Variants in TAMM41 observed in about 807,000 individuals in gnomAD.
TAMM41 encodes the protein TAM41 mitochondrial translocator assembly and maintenance homolog.
Under a neutral mutation model 44.1 loss-of-function variants are expected in TAMM41, and 36 were observed. The ratio of observed to expected loss-of-function variants is 0.82; its 90% CI spans 0.63 to 1.08. The LOEUF is 1.08. Among genes scored for constraint, TAMM41 ranks in the 50% least tolerant of loss-of-function variants. TAMM41 has a pLI of 0.00. For missense variants in TAMM41, 417 were observed against 404.3 expected (o/e 1.03, Z -0.27); for synonymous variants, 164 against 153.1 (o/e 1.07, Z -0.53).
At chr3:11,802,752 GA>G (rs1232428591) in intron 7 of TAMM41, among the ~76,000 whole-genome samples, 1 of 152,118 alleles carries the variant, frequency 6.6e-6, no homozygotes, top group Non-Finnish European at 1.5e-5. Context: ...CACCAAAAAA[GA>G]AAATTATAGA....
At chr3:11,798,713 G>A (rs928976155) in intron 7 of TAMM41, among the ~76,000 whole-genome samples, 1 of 152,150 alleles carries the variant, frequency 6.6e-6, no homozygotes, top group Non-Finnish European at 1.5e-5. Flanking sequence ...CTTACTGTGA[G>A]GATGAGGAAA....
At position 11,819,495 on chromosome 3, in the gene TAMM41, G is replaced by A. The variant is rs547355254; in HGVS notation, c.563-2158C>T. The stretch of plus-strand genomic sequence containing the variant: ...AAGCATCCCAAATGTCCAACAACAG[G>A]GGAAAGAATGCACTATGATGGCATA... On this transcript the variant is annotated intron_variant, in intron 4 of 7. Coordinates refer to ENST00000455809, the MANE Select transcript of TAMM41 (RefSeq NM_001284401.2). Among the ~76,000 whole-genome samples the A allele has an allele frequency of 2.0e-5, 3 of 152,278 alleles. No homozygotes were observed. In the South Asian group the frequency reaches 6.2e-4, roughly 32 times the overall value.
chr3:11,765,808 T>C, the TAMM41 span, among the ~76,000 whole-genome samples: 1 of 151,070 alleles, frequency 6.6e-6, no homozygotes, highest in Non-Finnish European at 1.5e-5. Flanking sequence ...TTCAAGTGAG[T>C]CTCCTGCTTC....
chr3:11,840,255 T>G (rs1429641346), intron 2 of TAMM41, among the ~76,000 whole-genome samples: 2 of 150,186 alleles, frequency 1.3e-5, no homozygotes, highest in African/African-American at 4.9e-5. Flanking sequence ...TTTTTTAAGA[T>G]GGAGTCTCAC....
chr3:11,808,723 CT>C (rs150689636), intron 6 of TAMM41: 47 of 691,702 alleles, frequency 6.8e-5, no homozygotes, highest in Non-Finnish European at 8.0e-5. Flanking sequence ...GGTTCAGGCT[CT>C]TTTTTTTGTT....
downstream of TAMM41, among the ~76,000 whole-genome samples, chr3:11,786,192 G>A (rs188965253): frequency 4.6e-5 from 7 of 151,866 alleles, no homozygotes; most frequent in Non-Finnish European, 1.0e-4. Flanking sequence ...CTTCTCCAGG[G>A]TACCCCTTCT....
chr3:11,726,246 A>C, the TAMM41 span, among the ~76,000 whole-genome samples: 1 of 152,222 alleles, frequency 6.6e-6, no homozygotes, highest in Non-Finnish European at 1.5e-5. Flanking sequence ...GTTCCACAAA[A>C]AGCACTGAGG....
rs1294306987 is a variant in TAMM41 at position 11,806,357 on chromosome 3, G to C, written c.937+1476C>G. Among the ~76,000 whole-genome samples the C allele has an allele frequency of 2.0e-5, 3 of 152,112 alleles. No individual in the cohort carries two copies. The East Asian group carries it at 5.8e-4, about 29-fold the overall frequency. On this transcript the variant is annotated intron_variant, in intron 7 of 7. Transcript: ENST00000455809. ...AGAGTATTCTCCTACTCTGCTTGTG[G>C]GACGATGAACTGATACAGCCACTTT...
the TAMM41 span, among the ~76,000 whole-genome samples, chr3:11,750,143 G>A: frequency 0.02 from 3,070 of 152,114 alleles, 122 homozygotes; most frequent in East Asian, 0.11. Context: ...TGATCCGCCC[G>A]CCTCGGCCTC....
chr3:11,802,841 G>C (rs1292147761), intron 7 of TAMM41, among the ~76,000 whole-genome samples: 1 of 152,156 alleles, frequency 6.6e-6, no homozygotes, highest in Non-Finnish European at 1.5e-5. Flanking sequence ...ACATCAAAAA[G>C]AGAATACATT....
chr3:11,812,481 G>A (rs2078118454), intron 5 of TAMM41, among the ~76,000 whole-genome samples: 1 of 152,162 alleles, frequency 6.6e-6, no homozygotes, highest in Admixed American at 6.5e-5. Context: ...GGTAGAAAGA[G>A]AAGTGACCTT....
chr3:11,726,800 C>CAAAAAAAAAAAAAAAAA, the TAMM41 span, among the ~76,000 whole-genome samples: 1 of 93,092 alleles, frequency 1.1e-5, no homozygotes, highest in Non-Finnish European at 2.5e-5. Flanking sequence ...GACTCTGTCT[C>CAAAAAAAAAAAAAAAAA]AAAAAAAAAA....
chr3:11,791,871 CA>C (rs1204853907), intron 7 of TAMM41, among the ~76,000 whole-genome samples: 3 of 152,148 alleles, frequency 2.0e-5, no homozygotes, highest in African/African-American at 7.2e-5. Flanking sequence ...TCCCTGCCTC[CA>C]CCCCTTTTAA....
intron 7 of TAMM41, among the ~76,000 whole-genome samples, chr3:11,801,637 T>G (rs1305009318): frequency 6.6e-6 from 1 of 152,090 alleles, no homozygotes; most frequent in African/African-American, 2.4e-5. Flanking sequence ...TAAAAATTTT[T>G]GGAAACAAAT....
At chr3:11,761,027 G>A in the TAMM41 span, among the ~76,000 whole-genome samples, 1 of 151,932 alleles carries the variant, frequency 6.6e-6, no homozygotes, top group Non-Finnish European at 1.5e-5. Flanking sequence ...AATTAGCCAG[G>A]CATGGTGGCA....
chr3:11,838,146 G>A (rs2079265952), intron 3 of TAMM41, among the ~76,000 whole-genome samples: 1 of 152,132 alleles, frequency 6.6e-6, no homozygotes, highest in Non-Finnish European at 1.5e-5. Context: ...AAAGGGATGG[G>A]GGCTACTTCC....
intron 7 of TAMM41, chr3:11,807,116 AGT>A: frequency 1.1e-6 from 1 of 945,662 alleles, no homozygotes; most frequent in Non-Finnish European, 1.3e-6. Flanking sequence ...GCACCAAGCA[AGT>A]GAAAGACATG....
In TAMM41 at chr3:11,809,542, G is replaced by A. The variant is rs1414517179; in HGVS notation, c.849C>T (p.Pro283=). The stretch of plus-strand genomic sequence containing the variant: ...CTAGTCGCACCACATCTCCACAGTC[G>A]GGATCATGAGCCACTTGGAATAAAG... ...EETLFQVAHD[P]DCGDVVRLGL... The change falls in exon 6 of 8, where the codon CCC becomes CCT. Residue 283 remains proline, a synonymous_variant. Transcript: ENST00000455809. The A allele has an allele frequency of 4.3e-6, 7 of 1,614,008 alleles. No individual in the cohort carries two copies. The African/African-American group carries it at 6.7e-5, about 15-fold the overall frequency.
At chr3:11,744,063 A>G in the TAMM41 span, among the ~76,000 whole-genome samples, 5 of 152,012 alleles carry the variant, frequency 3.3e-5, no homozygotes, top group Non-Finnish European at 7.4e-5. Flanking sequence ...TAACACTTAA[A>G]ATTTTTTATT....
Sources: allele counts gnomAD v4.1 joint callset (sites outside exome capture counted in the v4.1 genomes callset), GRCh38; gene constraint gnomAD v4.1.1; transcripts MANE v1.5; gene names NCBI Gene and HGNC (gene_info 2026-07-23, HGNC 2026-07-21).